Variants in MTUS2 observed in about 807,000 individuals in gnomAD.
MTUS2 encodes microtubule associated scaffold protein 2, also known as microtubule-associated tumor suppressor candidate 2.
A neutral mutation model predicts 114.1 loss-of-function variants in MTUS2; 40 were observed. The observed-to-expected ratio is 0.35, with a 90% CI of 0.27 to 0.46. MTUS2 has a LOEUF of 0.46. Among genes scored for constraint, MTUS2 ranks in the 20% least tolerant of loss-of-function variants. The pLI is 1.00. For synonymous variants in MTUS2, 688 were observed against 672.0 expected (o/e 1.02, Z -0.37); for missense variants, 1,679 against 1,705.4 (o/e 0.98, Z 0.27).
At chr13:29,201,440 A>G (rs557090805) in intron 5 of MTUS2, among the ~76,000 whole-genome samples, 145 of 152,126 alleles carry the variant, frequency 9.5e-4, no homozygotes, top group Non-Finnish European at 1.6e-3. Flanking sequence ...CAGCACACCA[A>G]TGAGTCTTGA....
At chr13:29,316,876 C>G (rs1482111896) in intron 6 of MTUS2, among the ~76,000 whole-genome samples, 1 of 152,124 alleles carries the variant, frequency 6.6e-6, no homozygotes. Context: ...ATAAATATTT[C>G]CCCCAAAAGT....
intron 8 of MTUS2, among the ~76,000 whole-genome samples, chr13:29,375,638 TACACAC>T (rs372115905): frequency 0.11 from 846 of 8,056 alleles, 181 homozygotes; most frequent in East Asian, 0.29. Context: ...TATATATATA[TACACAC>T]ACCATGAAAT....
In MTUS2 at chr13:29,291,976, T is replaced by A. The variant is rs114625627; in HGVS notation, c.2806+10111T>A. 8.6e-3 allele frequency among the ~76,000 whole-genome samples: 1,305 copies of A among 152,340 alleles called. 21 individuals carry two copies. Among genetic ancestry groups the A allele is most frequent in the African/African-American group, 0.03 (1,244 of 41,582 alleles). On this transcript the variant is annotated intron_variant, in intron 6 of 15. Coordinates refer to ENST00000612955, the MANE Select transcript of MTUS2 (RefSeq NM_001033602.4). The stretch of plus-strand genomic sequence containing the variant: ...TTACAGAATTTTAGCTTTGCATGTA[T>A]CCTGTTGGTTTTAAATAAAGTCCAG...
chr13:29,466,476 A>G (rs1879892653), intron 9 of MTUS2, among the ~76,000 whole-genome samples: 1 of 152,232 alleles, frequency 6.6e-6, no homozygotes, highest in Non-Finnish European at 1.5e-5. Flanking sequence ...GGATGAGTTG[A>G]TAAGGAAAAT....
intron 3 of MTUS2, among the ~76,000 whole-genome samples, chr13:29,028,694 C>G (rs1340677171): frequency 6.6e-6 from 1 of 152,044 alleles, no homozygotes; most frequent in Non-Finnish European, 1.5e-5. Flanking sequence ...TAGCACCTAC[C>G]TCCACCTGCC....
chr13:28,821,771 C>T (rs1873919993), intron 1 of MTUS2, among the ~76,000 whole-genome samples: 1 of 152,084 alleles, frequency 6.6e-6, no homozygotes, highest in African/African-American at 2.4e-5. Context: ...TATGGTGTTG[C>T]TACAGTGGTT....
intron 2 of MTUS2, among the ~76,000 whole-genome samples, chr13:28,849,607 G>A (rs1876115498): frequency 6.6e-6 from 1 of 152,160 alleles, no homozygotes; most frequent in African/African-American, 2.4e-5. Flanking sequence ...AGCCAGCTCA[G>A]AAATTACCTT....
In MTUS2 at chr13:29,480,261, A is replaced by C. The variant is rs774928642; in HGVS notation, c.3296A>C (p.Glu1099Ala). 3 of 1,553,816 alleles carry C rather than the reference A, an allele frequency of 1.9e-6. No homozygotes were observed. Among genetic ancestry groups the C allele is most frequent in the South Asian group, 2.4e-5 (2 of 84,204 alleles). ...LGWQQQAELQ[E>A]LEERLQLQFE... ...TGGCAGCAGCAGGCCGAGCTCCAGG[A>C]GCTGGAGGAGCGGCTGCAGCTGCAA... Residue 1099 changes from glutamate (E) to alanine (A), a missense_variant, in exon 10 of 16, where the codon GAG becomes GCG. Transcript: ENST00000612955. The surrounding 1 kb of genome is among the most constrained non-coding windows in gnomAD (Gnocchi z 4.4).
At chr13:29,159,239 TGAAA>T (rs1892994632) in intron 5 of MTUS2, among the ~76,000 whole-genome samples, 1 of 152,198 alleles carries the variant, frequency 6.6e-6, no homozygotes, top group African/African-American at 2.4e-5. Context: ...ATCCAGGACT[TGAAA>T]GACACGTACT....
At chr13:29,121,868 C>T (rs1212816962) in intron 5 of MTUS2, among the ~76,000 whole-genome samples, 2 of 151,978 alleles carry the variant, frequency 1.3e-5, no homozygotes, top group Admixed American at 6.6e-5. Context: ...CCATGTTGGT[C>T]AGGTTGGTCT....
intron 7 of MTUS2, among the ~76,000 whole-genome samples, chr13:29,349,418 T>TC (rs1250597579): frequency 6.6e-6 from 1 of 152,160 alleles, no homozygotes; most frequent in African/African-American, 2.4e-5. Context: ...AACACTCAGT[T>TC]TTCTTTTAAA....
intron 4 of MTUS2, among the ~76,000 whole-genome samples, chr13:29,070,747 T>C (rs1215412625): frequency 6.6e-6 from 1 of 152,198 alleles, no homozygotes; most frequent in Non-Finnish European, 1.5e-5. Flanking sequence ...TGTGTTCTTG[T>C]TAGTTTCTAC....
chr13:29,475,093 A>G (rs888321216), intron 9 of MTUS2, among the ~76,000 whole-genome samples: 1 of 152,204 alleles, frequency 6.6e-6, no homozygotes, highest in Non-Finnish European at 1.5e-5. Context: ...AATGATTCCT[A>G]GGTTCCATGT....
At chr13:29,398,930 A>T (rs1450557042) in intron 8 of MTUS2, among the ~76,000 whole-genome samples, 1 of 152,138 alleles carries the variant, frequency 6.6e-6, no homozygotes, top group African/African-American at 2.4e-5. Context: ...AGGGGTCTAG[A>T]TCCCCAAGAA....
At chr13:29,482,516 C>T (rs1009102659) in intron 10 of MTUS2, 1 of 152,156 alleles carries the variant, frequency 6.6e-6, no homozygotes, top group Admixed American at 6.5e-5. Context: ...TAGCAAAAGC[C>T]ATTTATTTAT....
intron 2 of MTUS2, among the ~76,000 whole-genome samples, chr13:28,944,674 C>T (rs1421227462): frequency 6.6e-6 from 1 of 152,096 alleles, no homozygotes; most frequent in Non-Finnish European, 1.5e-5. Context: ...GACTTAGTTC[C>T]TCTTTTTATA....
chr13:29,153,325 TTAAC>T (rs1182232368), intron 5 of MTUS2, among the ~76,000 whole-genome samples: 1 of 152,162 alleles, frequency 6.6e-6, no homozygotes, highest in Non-Finnish European at 1.5e-5. Context: ...AACAGAATTT[TTAAC>T]TAACCACCCA....
At chr13:29,051,829 C>T (rs1328544901) in intron 4 of MTUS2, among the ~76,000 whole-genome samples, 1 of 152,210 alleles carries the variant, frequency 6.6e-6, no homozygotes, top group African/African-American at 2.4e-5. Flanking sequence ...GAAGTTGACA[C>T]CCAAGTGTAG....
chr13:29,023,962 G>A (rs920237423), intron 2 of MTUS2, among the ~76,000 whole-genome samples: 7 of 152,134 alleles, frequency 4.6e-5, no homozygotes, highest in African/African-American at 7.2e-5. Flanking sequence ...TAAAATTTTC[G>A]TTTTGTAAGA....
Sources: gnomAD v4.1 joint callset for allele counts (sites outside exome capture counted in the v4.1 genomes callset) on GRCh38, gnomAD v4.1.1 for gene constraint, Gnocchi (gnomAD v3.1) non-coding constraint, MANE v1.5 for transcripts, NCBI Gene and HGNC (gene_info 2026-07-23, HGNC 2026-07-21) for gene names.